SLCO3A1: variants seen among roughly 807,000 people sequenced by gnomAD.
SLCO3A1 encodes the protein solute carrier organic anion transporter family member 3A1, also known as PGE1 transporter.
In SLCO3A1, 27 loss-of-function variants were observed where a neutral mutation model predicts 63.1. The observed-to-expected ratio is 0.43, with a 90% confidence interval of 0.32 to 0.59. The LOEUF is 0.59. SLCO3A1 is among the 20% of genes least tolerant of loss of function. The pLI is 0.09. For missense variants in SLCO3A1, 773 were observed against 945.8 expected (o/e 0.82, Z 2.40); for synonymous variants, 473 against 409.9 (o/e 1.15, Z -1.86).
chr15:92,084,311 C>G (rs773280343), intron 2 of SLCO3A1, among the ~76,000 whole-genome samples: 6 of 152,196 alleles, frequency 3.9e-5, no homozygotes, highest in Admixed American at 6.5e-5. Flanking sequence ...GAACAAATAA[C>G]AGCTGATGGT....
intron 2 of SLCO3A1, among the ~76,000 whole-genome samples, chr15:92,022,957 G>GAAGCCTGCAGTGC (rs1160075854): frequency 6.6e-6 from 1 of 152,180 alleles, no homozygotes; most frequent in African/African-American, 2.4e-5. Context: ...GGGATTCTGG[G>GAAGCCTGCAGTGC]TGTCAGAGTA....
intron 2 of SLCO3A1, among the ~76,000 whole-genome samples, chr15:92,049,733 A>G (rs1481127379): frequency 6.6e-6 from 1 of 152,252 alleles, no homozygotes; most frequent in Non-Finnish European, 1.5e-5. Flanking sequence ...AGATATTAAC[A>G]GCAGCAGTGG....
chr15:92,128,548 C>T (rs1352097505), intron 7 of SLCO3A1, 59 bp downstream of exon 7: 3 of 1,502,882 alleles, frequency 2.0e-6, no homozygotes, highest in Non-Finnish European at 1.8e-6. Context: ...TGGCTTAAAA[C>T]CCAAGTTTTT....
At position 91,860,226 on chromosome 15, in the gene SLCO3A1, G is replaced by A. The variant is rs1476999688; in HGVS notation, c.180+6138G>A. On this transcript the variant is annotated intron_variant, in intron 1 of 9. Coordinates refer to ENST00000318445, the MANE Select transcript of SLCO3A1 (RefSeq NM_013272.4). This position sits in a 1 kb window ranked among gnomAD's most constrained non-coding sequence, Gnocchi z 5.5. ...TCAGTATCTCTTGCTGTGGTCTGTG[G>A]CCACTGGGTGCTGAAGGCTGAGGGT... Among the ~76,000 whole-genome samples the A allele has an allele frequency of 6.6e-6, 1 of 152,158 alleles. No individual in the cohort carries two copies. Among genetic ancestry groups the A allele is most frequent in the African/African-American group, 2.4e-5 (1 of 41,420 alleles).
Position 91,876,680 on chromosome 15 carries a change from C to T in SLCO3A1, c.180+22592C>T, listed in dbSNP as rs1016601815. Among the ~76,000 whole-genome samples, 11 of 152,334 alleles carry T rather than the reference C, an allele frequency of 7.2e-5. No individual in the cohort carries two copies. The Middle Eastern group carries it at 0.01, about 141-fold the overall frequency. ...TGGGCTCTGGATAAGTGGTAGGTTC[C>T]GGAGGCCTCTCAACTGGAACTGTTC... On this transcript the variant is annotated intron_variant, in intron 1 of 9. Coordinates refer to ENST00000318445, the MANE Select transcript of SLCO3A1 (RefSeq NM_013272.4).
intron 2 of SLCO3A1, among the ~76,000 whole-genome samples, chr15:91,989,272 C>G (rs985845387): frequency 6.6e-6 from 1 of 152,118 alleles, no homozygotes; most frequent in Non-Finnish European, 1.5e-5. Flanking sequence ...CTTTCTGTAC[C>G]TTATATGGAC....
At chr15:92,052,149 A>G (rs2046965813) in intron 2 of SLCO3A1, among the ~76,000 whole-genome samples, 1 of 152,034 alleles carries the variant, frequency 6.6e-6, no homozygotes, top group Admixed American at 6.5e-5. Context: ...TGTGCACAGA[A>G]CTTGTGTGGT....
chr15:92,050,673 T>C (rs1047944972), intron 2 of SLCO3A1, among the ~76,000 whole-genome samples: 1 of 152,176 alleles, frequency 6.6e-6, no homozygotes, highest in African/African-American at 2.4e-5. Context: ...ATGTGTCCAC[T>C]CTGTAAGCCA....
Position 91,916,574 on chromosome 15 carries a change from C to T in SLCO3A1, c.646+116C>T. 2.7e-6 allele frequency: 2 copies of T among 752,866 alleles called. No individual in the cohort carries two copies. Among genetic ancestry groups the T allele is most frequent in the Non-Finnish European group, 4.2e-6 (2 of 475,684 alleles). 46.6% of individuals were successfully genotyped at this position (752,866 alleles called of 1,614,324 possible). A position where few individuals can be genotyped will look rare whatever the true frequency, so the allele number is the denominator to read the frequency against. On this transcript the variant is annotated intron_variant, in intron 2 of 9. Transcript: ENST00000318445. This position sits in a 1 kb window ranked among gnomAD's most constrained non-coding sequence, Gnocchi z 6.2. ...ACTGGTTCTCAGACTTGGCTGCACA[C>T]CTAGTGTTCTTGAAAAATACTCATG...
At chr15:91,983,771 A>G (rs2046016336) in intron 2 of SLCO3A1, among the ~76,000 whole-genome samples, 1 of 152,198 alleles carries the variant, frequency 6.6e-6, no homozygotes, top group Non-Finnish European at 1.5e-5. Flanking sequence ...CCCTGGTAGC[A>G]GAAACAGGGT....
chr15:92,059,911 A>G (rs2047066035), intron 2 of SLCO3A1, among the ~76,000 whole-genome samples: 1 of 152,036 alleles, frequency 6.6e-6, no homozygotes, highest in South Asian at 2.1e-4. Flanking sequence ...ACTCACACAA[A>G]CTCAGATGGT....
At chr15:92,159,503 T>TTCATC (rs1334336966) in intron 9 of SLCO3A1, among the ~76,000 whole-genome samples, 2 of 151,880 alleles carry the variant, frequency 1.3e-5, no homozygotes, top group African/African-American at 4.8e-5. Flanking sequence ...AAAAATTTAT[T>TTCATC]TCATCTCTAC....
Position 91,967,439 on chromosome 15 carries a change from C to T in SLCO3A1, c.646+50981C>T, listed in dbSNP as rs1211093638. ...GGTGATCTGTGGTAGAATGTCCCTC[C>T]TCTGGTTATGCTTTTCTTTGGCTAA... On this transcript the variant is annotated intron_variant, in intron 2 of 9. Transcript: ENST00000318445. The surrounding 1 kb of genome is among the most constrained non-coding windows in gnomAD (Gnocchi z 4.4). 6.6e-6 allele frequency among the ~76,000 whole-genome samples: 1 copy of T among 152,170 alleles called. No homozygotes were observed. The highest frequency in any genetic ancestry group is 1.5e-5 in the Non-Finnish European group (1 of 68,034).
intron 2 of SLCO3A1, among the ~76,000 whole-genome samples, chr15:92,021,530 T>C (rs926400745): frequency 5.3e-5 from 8 of 152,284 alleles, no homozygotes; most frequent in Admixed American, 2.0e-4. Flanking sequence ...CAACCACTCC[T>C]ACAAGGCAAG....
rs1896860611 is a variant in SLCO3A1 at position 91,854,454 on chromosome 15, G to A, written c.180+366G>A. The A allele has an allele frequency of 1.1e-6, 1 of 878,912 alleles. No individual in the cohort carries two copies. The highest frequency in any genetic ancestry group is 1.4e-6 in the Non-Finnish European group (1 of 725,502). The allele number at this position is 878,912 out of a possible 1,614,324, so 54.4% of individuals were successfully genotyped here. The stretch of plus-strand genomic sequence containing the variant: ...TTGGAGAGGAACGAAAAAGCGTCGG[G>A]GTTTTCAGGTGACCTGCACATGGGA... On this transcript the variant is annotated intron_variant, in intron 1 of 9. Transcript: ENST00000318445. This position sits in a 1 kb window ranked among gnomAD's most constrained non-coding sequence, Gnocchi z 6.4.
At chr15:92,000,318 C>T (rs191541812) in intron 2 of SLCO3A1, among the ~76,000 whole-genome samples, 1 of 151,862 alleles carries the variant, frequency 6.6e-6, no homozygotes, top group Admixed American at 6.5e-5. Flanking sequence ...GAACAATATC[C>T]TCTGGGAAGG....
Position 92,128,482 on chromosome 15 carries a change from A to G in SLCO3A1, c.1505A>G (p.Asn502Ser). 1.2e-6 allele frequency: 2 copies of G among 1,613,542 alleles called. No individual in the cohort carries two copies. The highest frequency in any genetic ancestry group is 1.7e-6 in the Non-Finnish European group (2 of 1,179,784). The change falls in exon 7 of 10, where the codon AAC (asparagine) becomes AGC (serine). Residue 502 changes from asparagine to serine, a missense_variant. This residue lies in a region of SLCO3A1 where 565 missense variants were observed against 749.8 expected (regional missense o/e 0.75). Coordinates refer to ENST00000318445, the MANE Select transcript of SLCO3A1 (RefSeq NM_013272.4). Reference sequence around the variant, plus strand: ...CTGTCTGCCTGCTTTGCTGGCTGCAACAGCACGGTAATGGGATGGGGCAGG... The same window carrying G: ...CTGTCTGCCTGCTTTGCTGGCTGCAGCAGCACGGTAATGGGATGGGGCAGG... ...TYLSACFAGC[N>S]STNLTGCACL...
intron 7 of SLCO3A1, among the ~76,000 whole-genome samples, chr15:92,134,139 C>T (rs1468727845): frequency 1.3e-5 from 2 of 152,176 alleles, no homozygotes; most frequent in Non-Finnish European, 2.9e-5. Context: ...TTAGACACAG[C>T]CCCCACCACT....
intron 2 of SLCO3A1, among the ~76,000 whole-genome samples, chr15:92,002,500 C>T (rs1304243690): frequency 2.0e-5 from 3 of 152,148 alleles, no homozygotes; most frequent in African/African-American, 7.2e-5. Context: ...TGCTTTTTCT[C>T]TTCTGTTTTA....
Sources: gnomAD v4.1 joint callset for allele counts (sites outside exome capture counted in the v4.1 genomes callset) on GRCh38, gnomAD v4.1.1 for gene constraint, gnomAD v4.1.1 regional missense constraint, Gnocchi (gnomAD v3.1) non-coding constraint, MANE v1.5 for transcripts, NCBI Gene and HGNC (gene_info 2026-07-23, HGNC 2026-07-21) for gene names.